Variants in QTMAN observed in about 807,000 individuals in gnomAD.
QTMAN encodes the protein tRNA-queuosine alpha-mannosyltransferase.
chr2:144,020,815 T>C, the QTMAN span, among the ~76,000 whole-genome samples: 3 of 151,812 alleles, frequency 2.0e-5, no homozygotes, highest in South Asian at 2.1e-4. Flanking sequence ...AATATTCACA[T>C]TGATAATTGC....
chr2:144,051,994 T>C, the QTMAN span, among the ~76,000 whole-genome samples: 8 of 152,224 alleles, frequency 5.3e-5, no homozygotes, highest in Non-Finnish European at 1.0e-4. Flanking sequence ...ATTATACTTA[T>C]ACATTATATG....
At chr2:144,051,764 G>A in the QTMAN span, among the ~76,000 whole-genome samples, 1 of 152,134 alleles carries the variant, frequency 6.6e-6, no homozygotes, top group Non-Finnish European at 1.5e-5. Flanking sequence ...ATTTGGGAGA[G>A]CAGGAAGGAT....
chr2:144,318,119 G>A, the QTMAN span, among the ~76,000 whole-genome samples: 275 of 151,584 alleles, frequency 1.8e-3, 1 homozygote, highest in Non-Finnish European at 2.9e-4. Flanking sequence ...GGATATCAAT[G>A]TTAAAAACCA....
the QTMAN span, among the ~76,000 whole-genome samples, chr2:144,264,556 T>G: frequency 6.6e-6 from 1 of 152,218 alleles, no homozygotes; most frequent in Non-Finnish European, 1.5e-5. Flanking sequence ...CTCTTGAGAC[T>G]TCCCTGTAAC....
the QTMAN span, among the ~76,000 whole-genome samples, chr2:144,304,502 T>C: frequency 6.9e-3 from 1,041 of 151,854 alleles, 12 homozygotes; most frequent in African/African-American, 0.024. Flanking sequence ...AAGACAAAAA[T>C]CAGTCAATAA....
At chr2:144,211,675 G>A in the QTMAN span, 1 of 152,012 alleles carries the variant, frequency 6.6e-6, no homozygotes, top group African/African-American at 2.4e-5. Flanking sequence ...GCACATTAAA[G>A]AACAGTTCAA....
the QTMAN span, chr2:144,294,586 G>A: frequency 1.3e-5 from 2 of 151,760 alleles, no homozygotes; most frequent in African/African-American, 4.9e-5. Context: ...CAGAGTAGGG[G>A]AGGGAGGATG....
chr2:144,311,460 C>T, the QTMAN span, among the ~76,000 whole-genome samples: 8 of 152,100 alleles, frequency 5.3e-5, no homozygotes, highest in South Asian at 2.1e-4. Context: ...AGACACATTG[C>T]GCATCACTAG....
the QTMAN span, among the ~76,000 whole-genome samples, chr2:144,185,779 G>GA: frequency 6.6e-6 from 1 of 152,082 alleles, no homozygotes; most frequent in Non-Finnish European, 1.5e-5. Context: ...TTTCTGTTTT[G>GA]TTTTTAGATA....
At chr2:144,227,981 C>G in the QTMAN span, among the ~76,000 whole-genome samples, 1 of 152,232 alleles carries the variant, frequency 6.6e-6, no homozygotes, top group African/African-American at 2.4e-5. Context: ...AGTAAACATC[C>G]CTTTCTAAAG....
At chr2:144,203,845 T>C in the QTMAN span, among the ~76,000 whole-genome samples, 2 of 152,112 alleles carry the variant, frequency 1.3e-5, no homozygotes, top group Non-Finnish European at 2.9e-5. Context: ...GTTAAGACAA[T>C]GGGCTTAAGA....
chr2:143,982,286 A>C, the QTMAN span, among the ~76,000 whole-genome samples: 2 of 150,892 alleles, frequency 1.3e-5, no homozygotes, highest in South Asian at 2.1e-4. Context: ...ACTGGAGTGC[A>C]ATGGCGTGAT....
At chr2:144,160,151 T>C in the QTMAN span, among the ~76,000 whole-genome samples, 1 of 152,038 alleles carries the variant, frequency 6.6e-6, no homozygotes, top group Non-Finnish European at 1.5e-5. Flanking sequence ...CTTCAAGATT[T>C]TGAAATGTAA....
the QTMAN span, among the ~76,000 whole-genome samples, chr2:144,175,381 A>T: frequency 5.3e-5 from 8 of 152,132 alleles, no homozygotes; most frequent in Non-Finnish European, 1.2e-4. Flanking sequence ...TAGACACACA[A>T]AAGTCTGCCA....
chr2:144,233,600 C>T, the QTMAN span, among the ~76,000 whole-genome samples: 1 of 152,120 alleles, frequency 6.6e-6, no homozygotes, highest in Non-Finnish European at 1.5e-5. Context: ...ATAACAGTGC[C>T]AGGCTGTTTT....
chr2:144,257,086 TG>T, the QTMAN span, among the ~76,000 whole-genome samples: 3 of 81,534 alleles, frequency 3.7e-5, no homozygotes, highest in Admixed American at 1.6e-4. Context: ...AGAAACAAAC[TG>T]AAAAAAAAAA....
the QTMAN span, among the ~76,000 whole-genome samples, chr2:144,293,657 A>C: frequency 2.6e-4 from 40 of 152,346 alleles, no homozygotes; most frequent in African/African-American, 9.6e-4. Context: ...TGCTGTGGGG[A>C]TATCATCTCT....
At chr2:144,198,555 A>G in the QTMAN span, among the ~76,000 whole-genome samples, 1 of 152,218 alleles carries the variant, frequency 6.6e-6, no homozygotes, top group East Asian at 1.9e-4. Flanking sequence ...GCCAAAACAC[A>G]GGAAAGAAGA....
the QTMAN span, among the ~76,000 whole-genome samples, chr2:144,326,448 A>G: frequency 6.6e-6 from 1 of 152,104 alleles, no homozygotes; most frequent in Middle Eastern, 3.4e-3. Flanking sequence ...TAAGCCGGGC[A>G]TGGTGGTGGG....
Sources: gnomAD v4.1 joint callset for allele counts (sites outside exome capture counted in the v4.1 genomes callset) on GRCh38, gnomAD v4.1.1 for gene constraint, MANE v1.5 for transcripts, NCBI Gene and HGNC (gene_info 2026-07-23, HGNC 2026-07-21) for gene names.